The following SNCAIP variants were observed in gnomAD, a reference collection of about 807,000 sequenced individuals.
The protein encoded by SNCAIP is synphilin-1.
In SNCAIP, 43 loss-of-function variants were observed where a neutral mutation model predicts 86.7. The ratio of observed to expected loss-of-function variants is 0.50; its 90% CI spans 0.39 to 0.64. SNCAIP has a LOEUF of 0.64. Ranked by LOEUF, SNCAIP falls within the 30% of genes least tolerant of loss-of-function variation. The pLI is 0.00. For synonymous variants in SNCAIP, 417 were observed against 427.2 expected, an observed-to-expected ratio of 0.98 and a Z score of 0.29; for missense variants, 981 against 1,103.1, an observed-to-expected ratio of 0.89 and a Z score of 1.57.
At chr5:122,380,506 A>G (rs1037529322) in intron 1 of SNCAIP, among the ~76,000 whole-genome samples, 2 of 149,760 alleles carry the variant, frequency 1.3e-5, no homozygotes, top group African/African-American at 2.5e-5. Context: ...TGAATTCATT[A>G]ATTTTTTGAA....
intron 1 of SNCAIP, among the ~76,000 whole-genome samples, chr5:122,376,925 C>T (rs1765442097): frequency 6.6e-6 from 1 of 152,138 alleles, no homozygotes; most frequent in South Asian, 2.1e-4. Flanking sequence ...GTCTATTCCT[C>T]CTTCACAATG....
At chr5:122,458,179 A>C (rs6862890) in intron 10 of SNCAIP, among the ~76,000 whole-genome samples, 34,550 of 152,172 alleles carry the variant, frequency 0.23, 4,122 homozygotes, top group Non-Finnish European at 0.26. Flanking sequence ...TATTCCAGGG[A>C]GGCAGGAAAT....
intron 1 of SNCAIP, chr5:122,321,860 A>T (rs1157343603): frequency 6.6e-6 from 1 of 152,140 alleles, no homozygotes; most frequent in South Asian, 2.1e-4. Context: ...GACTGTATAC[A>T]CCTTGTTTAG....
intron 1 of SNCAIP, among the ~76,000 whole-genome samples, chr5:122,326,416 C>A (rs894146308): frequency 1.6e-4 from 25 of 152,188 alleles, no homozygotes; most frequent in African/African-American, 5.3e-4. Flanking sequence ...TGAAAACTAA[C>A]AAATTCCCTA....
chr5:122,332,910 G>T (rs771778540), intron 1 of SNCAIP, among the ~76,000 whole-genome samples: 17 of 152,210 alleles, frequency 1.1e-4, no homozygotes, highest in Non-Finnish European at 2.5e-4. Context: ...ACTTATTTCA[G>T]ACTCTGAGAA....
intron 1 of SNCAIP, chr5:122,389,492 T>C (rs1768888064): frequency 6.6e-6 from 1 of 152,182 alleles, no homozygotes. Context: ...TAGGAGAGAA[T>C]GTTGTTTTGA....
intron 5 of SNCAIP, among the ~76,000 whole-genome samples, chr5:122,428,329 T>G (rs1777749088): frequency 6.6e-6 from 1 of 152,146 alleles, no homozygotes; most frequent in Non-Finnish European, 1.5e-5. Context: ...TGTTTGTTTG[T>G]TTTCTTAGTA....
intron 3 of SNCAIP, among the ~76,000 whole-genome samples, chr5:122,409,330 C>T (rs1350090099): frequency 1.3e-5 from 2 of 152,200 alleles, no homozygotes; most frequent in African/African-American, 4.8e-5. Context: ...TTCAAATACA[C>T]ATTTGTCTCA....
At chr5:122,388,080 C>T (rs1032422322) in intron 1 of SNCAIP, among the ~76,000 whole-genome samples, 1 of 152,302 alleles carries the variant, frequency 6.6e-6, no homozygotes, top group Middle Eastern at 3.4e-3. Flanking sequence ...CTTGGAGAGG[C>T]TCTGGGAAAA....
At chr5:122,384,883 A>T (rs986798839) in intron 1 of SNCAIP, among the ~76,000 whole-genome samples, 2 of 152,108 alleles carry the variant, frequency 1.3e-5, no homozygotes, top group Non-Finnish European at 2.9e-5. Flanking sequence ...CACCCTCACC[A>T]TCACGCTTCA....
chr5:122,402,880 C>G (rs1439418093), intron 2 of SNCAIP, among the ~76,000 whole-genome samples: 2 of 152,148 alleles, frequency 1.3e-5, no homozygotes, highest in African/African-American at 4.8e-5. Flanking sequence ...AGGTAAAAAG[C>G]AAAATAGTTT....
intron 8 of SNCAIP, among the ~76,000 whole-genome samples, chr5:122,445,307 A>G (rs1435639667): frequency 2.6e-5 from 4 of 152,218 alleles, no homozygotes; most frequent in African/African-American, 9.6e-5. Flanking sequence ...CTTCACGACT[A>G]ATTACAGTCA....
chr5:122,402,574 CAATATCTACGT>C (rs1423086008), intron 2 of SNCAIP, among the ~76,000 whole-genome samples: 2 of 151,118 alleles, frequency 1.3e-5, no homozygotes, highest in Non-Finnish European at 2.9e-5. Context: ...GGCAAACTGA[CAATATCTACGT>C]TCCCACCCTA....
chr5:122,453,016 T>C (rs932668388), intron 10 of SNCAIP: 11 of 1,483,038 alleles, frequency 7.4e-6, no homozygotes, highest in African/African-American at 7.0e-5. Flanking sequence ...CTAGGAGATA[T>C]GCTGTGCGGC....
chr5:122,376,132 G>C (rs138318925), intron 1 of SNCAIP, among the ~76,000 whole-genome samples: 1 of 152,028 alleles, frequency 6.6e-6, no homozygotes, highest in Admixed American at 6.6e-5. Flanking sequence ...AGTGACTCTC[G>C]TGCACTCTAA....
chr5:122,359,071 A>G (rs1761685286), intron 1 of SNCAIP, among the ~76,000 whole-genome samples: 1 of 152,160 alleles, frequency 6.6e-6, no homozygotes, highest in African/African-American at 2.4e-5. Flanking sequence ...GTTTTCAAAG[A>G]ACAATTCTTC....
At chr5:122,365,445 G>A (rs768327048) in intron 1 of SNCAIP, among the ~76,000 whole-genome samples, 11 of 152,180 alleles carry the variant, frequency 7.2e-5, no homozygotes, top group Non-Finnish European at 1.3e-4. Context: ...GTGGGAGGCC[G>A]AGGCAGGTGG....
chr5:122,398,524 G>A (rs980611237), intron 2 of SNCAIP, among the ~76,000 whole-genome samples: 4 of 152,082 alleles, frequency 2.6e-5, no homozygotes, highest in African/African-American at 9.7e-5. Context: ...AGCTTTGTTT[G>A]TACACATTAT....
At position 122,430,384 on chromosome 5, in the gene SNCAIP, A is replaced by G. The variant is rs545815195; in HGVS notation, c.1183-1585A>G. Among the ~76,000 whole-genome samples, 3 of 152,308 alleles carry G rather than the reference A, an allele frequency of 2.0e-5. No individual in the cohort carries two copies. The East Asian group carries it at 5.8e-4, about 29-fold the overall frequency. ...AGAGAGCATTCTAATAGAAGGTAACAAGTATTGTCTGCTTAGTAAGTTTAC... is the reference window on the plus strand; with the variant it reads ...AGAGAGCATTCTAATAGAAGGTAACGAGTATTGTCTGCTTAGTAAGTTTAC... On this transcript the variant is annotated intron_variant, in intron 5 of 10. Transcript: ENST00000261368.
Sources: allele counts gnomAD v4.1 joint callset (sites outside exome capture counted in the v4.1 genomes callset), GRCh38; gene constraint gnomAD v4.1.1; transcripts MANE v1.5; gene names NCBI Gene and HGNC (gene_info 2026-07-23, HGNC 2026-07-21).